Variants in NRG1 observed in about 807,000 individuals in gnomAD.
NRG1 encodes the protein pro-neuregulin-1, membrane-bound isoform.
A neutral mutation model predicts 63.8 loss-of-function variants in NRG1; 18 were observed. The ratio of observed to expected loss-of-function variants is 0.28; its 90% CI spans 0.19 to 0.42. NRG1 has a LOEUF of 0.42. Among genes scored for constraint, NRG1 ranks in the 10% least tolerant of loss-of-function variants. The pLI is 1.00. For synonymous variants in NRG1, 302 were observed against 301.3 expected (o/e 1.00, Z -0.02); for missense variants, 762 against 814.7 (o/e 0.94, Z 0.79).
chr8:32,067,043 C>A (rs1824951387), intron 1 of NRG1, among the ~76,000 whole-genome samples: 1 of 152,220 alleles, frequency 6.6e-6, no homozygotes, highest in South Asian at 2.1e-4. Context: ...GATTTTGTAT[C>A]CTGAGACTTT....
At chr8:31,860,582 G>A (rs976349206) in intron 1 of NRG1, among the ~76,000 whole-genome samples, 2 of 152,114 alleles carry the variant, frequency 1.3e-5, no homozygotes, top group African/African-American at 4.8e-5. Context: ...TGACTGGCAG[G>A]TGTGCCCCAC....
At chr8:32,702,564 A>G (rs1815206821) in intron 5 of NRG1, among the ~76,000 whole-genome samples, 1 of 151,928 alleles carries the variant, frequency 6.6e-6, no homozygotes, top group Non-Finnish European at 1.5e-5. Context: ...TTGGCTAACT[A>G]CCACCTCCTC....
intron 5 of NRG1, among the ~76,000 whole-genome samples, chr8:32,643,583 C>G (rs1444102789): frequency 2.0e-5 from 3 of 152,182 alleles, no homozygotes; most frequent in Non-Finnish European, 4.4e-5. Context: ...AGCGGAAGAA[C>G]CACTCAGCTG....
At chr8:31,804,201 A>G (rs1269249462) in intron 1 of NRG1, among the ~76,000 whole-genome samples, 1 of 152,176 alleles carries the variant, frequency 6.6e-6, no homozygotes, top group Non-Finnish European at 1.5e-5. Flanking sequence ...ATATTCCTTT[A>G]ATGAATGAAT....
intron 1 of NRG1, among the ~76,000 whole-genome samples, chr8:32,565,267 A>T (rs887501542): frequency 6.6e-6 from 1 of 152,012 alleles, no homozygotes; most frequent in Non-Finnish European, 1.5e-5. Context: ...CCTGTATCCC[A>T]TTCTCTTCCC....
chr8:32,497,854 A>G (rs10755889), intron 1 of NRG1, among the ~76,000 whole-genome samples: 117,695 of 152,218 alleles, frequency 0.77, 45,714 homozygotes, highest in East Asian at 0.89. Context: ...ACAGAGTTTC[A>G]CTCTTGTTGC....
chr8:31,731,074 G>T (rs1563337437), intron 1 of NRG1, among the ~76,000 whole-genome samples: 1 of 152,100 alleles, frequency 6.6e-6, no homozygotes, highest in African/African-American at 2.4e-5. Context: ...TACTGGAAAT[G>T]ATATGGAGAA....
At chr8:31,867,972 T>C (rs1829111975) in intron 1 of NRG1, among the ~76,000 whole-genome samples, 1 of 152,130 alleles carries the variant, frequency 6.6e-6, no homozygotes, top group Non-Finnish European at 1.5e-5. Flanking sequence ...TAAGTACAAT[T>C]GGTTTAAGAT....
At chr8:31,701,157 G>GAGCAT (rs1810588124) in intron 1 of NRG1, among the ~76,000 whole-genome samples, 3 of 152,092 alleles carry the variant, frequency 2.0e-5, no homozygotes, top group Non-Finnish European at 4.4e-5. Context: ...CATGTAGTGA[G>GAGCAT]AGCATATACT....
At chr8:31,828,395 A>G (rs1824782531) in intron 1 of NRG1, among the ~76,000 whole-genome samples, 1 of 152,182 alleles carries the variant, frequency 6.6e-6, no homozygotes, top group Non-Finnish European at 1.5e-5. Context: ...CTGTAGTCAA[A>G]TTAGTTACAT....
At chr8:32,089,990 A>T (rs760049158) in intron 1 of NRG1, among the ~76,000 whole-genome samples, 1 of 152,098 alleles carries the variant, frequency 6.6e-6, no homozygotes, top group East Asian at 1.9e-4. Flanking sequence ...TTTATTATTA[A>T]TTTTTTAGTG....
chr8:32,548,430 G>A, exon 1 of NRG1: 18 of 1,130,328 alleles, frequency 1.6e-5, no homozygotes, highest in Non-Finnish European at 1.8e-5. Flanking sequence ...CGAGGGCGCC[G>A]GGCAGAGGCC....
intron 5 of NRG1, among the ~76,000 whole-genome samples, chr8:32,699,905 A>G (rs2128957141): frequency 6.6e-6 from 1 of 152,338 alleles, no homozygotes; most frequent in Middle Eastern, 3.4e-3. Context: ...TTATTTATAA[A>G]ATGTTATTGA....
Position 32,147,296 on chromosome 8 carries a change from G to A in NRG1, c.38-448532G>A, listed in dbSNP as rs566260722. Among the ~76,000 whole-genome samples, 77 of 152,194 alleles carry A rather than the reference G, an allele frequency of 5.1e-4. 1 individual carries two copies. The South Asian group carries it at 0.015, about 29-fold the overall frequency. On this transcript the variant is annotated intron_variant, in intron 1 of 10. Transcript: ENST00000519301. ...TAATTGAATAAGTGAAAAACCAAAT[G>A]TCTTCATAAGGATATTCACCATAGT...
At chr8:31,889,889 T>A (rs60382921) in intron 1 of NRG1, among the ~76,000 whole-genome samples, 22,138 of 151,962 alleles carry the variant, frequency 0.15, 2,009 homozygotes, top group Non-Finnish European at 0.19. Flanking sequence ...GCCAGGAAAG[T>A]GGATCAATCC....
chr8:31,737,260 TCTC>T (rs1351202526), intron 1 of NRG1, among the ~76,000 whole-genome samples: 2 of 152,096 alleles, frequency 1.3e-5, no homozygotes, highest in East Asian at 3.9e-4. Flanking sequence ...AGATACCACT[TCTC>T]CTAGGATTTT....
At chr8:31,822,898 C>T (rs1417965504) in intron 1 of NRG1, among the ~76,000 whole-genome samples, 2 of 151,914 alleles carry the variant, frequency 1.3e-5, no homozygotes, top group Non-Finnish European at 2.9e-5. Context: ...TCATTGGTAC[C>T]CAAGAAGCCA....
At chr8:31,682,199 C>G (rs1346306073) in intron 1 of NRG1, among the ~76,000 whole-genome samples, 1 of 152,162 alleles carries the variant, frequency 6.6e-6, no homozygotes, top group Non-Finnish European at 1.5e-5. Flanking sequence ...TAGTGGCAAT[C>G]ATACAGTAGG....
At chr8:32,054,858 TC>T (rs1822601812) in intron 1 of NRG1, among the ~76,000 whole-genome samples, 7 of 89,242 alleles carry the variant, frequency 7.8e-5, no homozygotes, top group African/African-American at 3.2e-4. Context: ...CAGATTTCTT[TC>T]TTTCTTTTTT....
Sources: allele counts gnomAD v4.1 joint callset (sites outside exome capture counted in the v4.1 genomes callset), GRCh38; gene constraint gnomAD v4.1.1; transcripts MANE v1.5; gene names NCBI Gene and HGNC (gene_info 2026-07-23, HGNC 2026-07-21).